CEP85L: variants seen among roughly 807,000 people sequenced by gnomAD.
CEP85L encodes the protein centrosomal protein 85L, also known as centrosomal protein of 85 kDa-like.
Under a neutral mutation model 100.3 loss-of-function variants are expected in CEP85L, and 60 were observed. That is an observed-to-expected ratio of 0.60 (90% CI 0.49 to 0.74). The LOEUF is 0.74. CEP85L is among the 30% of genes least tolerant of loss of function. CEP85L has a pLI of 0.00. For missense variants in CEP85L, 973 were observed against 936.2 expected, an observed-to-expected ratio of 1.04 and a Z score of -0.51; for synonymous variants, 319 against 322.7, an observed-to-expected ratio of 0.99 and a Z score of 0.12.
At chr6:118,537,976 G>C (rs1777691412) in intron 3 of CEP85L, 1 of 828,128 alleles carries the variant, frequency 1.2e-6, no homozygotes. Context: ...ACAAAGCTCA[G>C]TAATGAAGAT....
rs201851746 is a variant in CEP85L, at chr6:118,480,432, A to G, written c.1827T>C (p.Asn609=). 2.4e-5 allele frequency: 39 copies of G among 1,611,360 alleles called. No homozygotes were observed. In the South Asian group the frequency reaches 4.2e-4, roughly 17 times the overall value. The change falls in exon 9 of 13, where the codon AAT becomes AAC. Residue 609 remains asparagine, a synonymous_variant. Transcript: ENST00000368491. ...MLDAKQLQNE[N]DNLRQQNETA... ...TCTCATTTTGTTGTCTGAGATTATC[A>G]TTTTCATTCTGAAGCTGTTTTGCAT...
At chr6:118,580,494 T>TCAAAAGGCATC (rs1780510622) in intron 2 of CEP85L, among the ~76,000 whole-genome samples, 1 of 152,220 alleles carries the variant, frequency 6.6e-6, no homozygotes, top group African/African-American at 2.4e-5. Flanking sequence ...TTAGCTACAC[T>TCAAAAGGCATC]TATCGTTGGC....
In CEP85L at chr6:118,471,369, T is replaced by C. The variant is rs974797171; in HGVS notation, c.1915-725A>G. Among the ~76,000 whole-genome samples, 3 of 152,204 alleles carry C rather than the reference T, an allele frequency of 2.0e-5. No individual in the cohort carries two copies. The East Asian group carries it at 5.8e-4, about 29-fold the overall frequency. ...GTGAATTCTAAGTGTTTCTATCAAC[T>C]ATTTTCCTTTTATTAGACCACAAAA... is the stretch of plus-strand genomic sequence containing the variant. On this transcript the variant is annotated intron_variant, in intron 10 of 12. Coordinates refer to ENST00000368491, the MANE Select transcript of CEP85L (RefSeq NM_001042475.3).
intron 1 of CEP85L, among the ~76,000 whole-genome samples, chr6:118,660,284 G>T (rs1391453622): frequency 6.6e-6 from 1 of 152,234 alleles, no homozygotes; most frequent in African/African-American, 2.4e-5. Flanking sequence ...TTTCTGCTGA[G>T]GTGGCTGCCA....
At chr6:118,537,771 G>A (rs1171521157) in intron 3 of CEP85L, 1 of 985,238 alleles carries the variant, frequency 1.0e-6, no homozygotes, top group Non-Finnish European at 1.2e-6. Flanking sequence ...CACTTGACTG[G>A]AATACAACCT....
chr6:118,571,930 C>T (rs1779912726), intron 2 of CEP85L, among the ~76,000 whole-genome samples: 1 of 152,146 alleles, frequency 6.6e-6, no homozygotes, highest in African/African-American at 2.4e-5. Context: ...AATCTCAGCT[C>T]ACCACAACCT....
chr6:118,576,046 T>G (rs540312054), intron 2 of CEP85L, among the ~76,000 whole-genome samples: 15 of 151,790 alleles, frequency 9.9e-5, no homozygotes, highest in African/African-American at 3.6e-4. Flanking sequence ...GCACTAGAAA[T>G]AAAATGGGAA....
upstream of CEP85L, chr6:118,652,835 G>T (rs1936059): frequency 0.26 from 245,593 of 953,168 alleles, 36,847 homozygotes; most frequent in East Asian, 0.64. Flanking sequence ...ACAGAAACAT[G>T]AAAGACGAAT....
chr6:118,567,727 A>G (rs1026956653), intron 2 of CEP85L, among the ~76,000 whole-genome samples: 6 of 152,192 alleles, frequency 3.9e-5, no homozygotes, highest in Non-Finnish European at 7.3e-5. Flanking sequence ...TGTCTTATGG[A>G]AAAAGTTATG....
At chr6:118,558,660 C>CACACACACAG (rs1318088942) in intron 3 of CEP85L, among the ~76,000 whole-genome samples, 1 of 122,216 alleles carries the variant, frequency 8.2e-6, no homozygotes, top group Non-Finnish European at 1.7e-5. Context: ...CACACACACA[C>CACACACACAG]AGAGAGAGAG....
In CEP85L at chr6:118,565,797, G is replaced by A. The variant is rs1779465238; in HGVS notation, c.752C>T (p.Pro251Leu). ...RASSSTLRRQ[P>L]VDMTYSALPE... ...TAAGGCACTATATGTCATGTCTACA[G>A]GCTGTCTCCTAAGAGTAGAGGAAGA... Residue 251 changes from proline to leucine, a missense_variant, in exon 3 of 13, where the codon CCT (proline) becomes CTT (leucine). Transcript: ENST00000368491. 1 of 1,614,030 alleles carries A rather than the reference G, an allele frequency of 6.2e-7. No homozygotes were observed. The highest frequency in any genetic ancestry group is 1.3e-5 in the African/African-American group (1 of 74,930).
chr6:118,595,043 C>CTCCCAGTT (rs1162077747), intron 2 of CEP85L, among the ~76,000 whole-genome samples: 1 of 152,108 alleles, frequency 6.6e-6, no homozygotes, highest in Non-Finnish European at 1.5e-5. Flanking sequence ...AGGTCCTATA[C>CTCCCAGTT]TCCCAGTTTC....
intron 3 of CEP85L, among the ~76,000 whole-genome samples, chr6:118,527,163 C>A (rs1777024820): frequency 6.6e-6 from 1 of 151,922 alleles, no homozygotes; most frequent in African/African-American, 2.4e-5. Context: ...TAGAACCATG[C>A]CCAGCTAATT....
chr6:118,533,208 C>T (rs1001209277), intron 3 of CEP85L, among the ~76,000 whole-genome samples: 7 of 151,730 alleles, frequency 4.6e-5, no homozygotes, highest in Admixed American at 1.3e-4. Flanking sequence ...TTCATTGAGA[C>T]AATCAATAAA....
chr6:118,623,092 T>C (rs1773558652), intron 2 of CEP85L, among the ~76,000 whole-genome samples: 1 of 152,162 alleles, frequency 6.6e-6, no homozygotes, highest in African/African-American at 2.4e-5. Flanking sequence ...CCAACAAACC[T>C]TTCATACAGG....
chr6:118,707,356 G>A (rs1777625536), intron 1 of CEP85L, among the ~76,000 whole-genome samples: 1 of 151,596 alleles, frequency 6.6e-6, no homozygotes, highest in South Asian at 2.1e-4. Context: ...ACCATGCCCA[G>A]CTAATTTTTG....
chr6:118,599,202 T>C (rs961251388), intron 2 of CEP85L, among the ~76,000 whole-genome samples: 5 of 152,014 alleles, frequency 3.3e-5, no homozygotes, highest in Non-Finnish European at 7.4e-5. Context: ...AGCTCATTGG[T>C]GAAATGATTG....
At chr6:118,619,848 G>A (rs1474830061) in intron 2 of CEP85L, among the ~76,000 whole-genome samples, 2 of 152,104 alleles carry the variant, frequency 1.3e-5, no homozygotes, top group East Asian at 1.9e-4. Flanking sequence ...GAGCTTTAGC[G>A]GCAGCCCAGC....
chr6:118,600,299 GGGTGT>G lies in CEP85L; in HGVS notation c.232+32149_232+32153del, dbSNP rs1562297706. 2.9e-3 allele frequency among the ~76,000 whole-genome samples: 261 copies of G among 88,974 alleles called. 35 individuals are homozygous for G. Among genetic ancestry groups the G allele is most frequent in the African/African-American group, 4.2e-3 (98 of 23,186 alleles). 58.4% of individuals were successfully genotyped at this position (88,974 alleles called of 152,430 possible). A position where few individuals can be genotyped will look rare whatever the true frequency, so the allele number is the denominator to read the frequency against. On this transcript the variant is annotated intron_variant, in intron 2 of 12. Coordinates refer to ENST00000368491, the MANE Select transcript of CEP85L (RefSeq NM_001042475.3). ...ACTGCCTGTCCCTGAGCCTTCCTGG[GGGTGT>G]GTGTGTGTGTGTGTGTGTGTGTGTG... is the stretch of plus-strand genomic sequence containing the variant.
Sources: gnomAD v4.1 joint callset for allele counts (sites outside exome capture counted in the v4.1 genomes callset) on GRCh38, gnomAD v4.1.1 for gene constraint, MANE v1.5 for transcripts, NCBI Gene and HGNC (gene_info 2026-07-23, HGNC 2026-07-21) for gene names.